Variants in BICC1 observed in about 807,000 individuals in gnomAD.
BICC1 encodes the protein protein bicaudal C homolog 1.
BICC1 carries 43 observed loss-of-function variants against 111.0 expected under a neutral mutation model. The observed-to-expected ratio is 0.39, with a 90% CI of 0.30 to 0.50. The LOEUF (loss-of-function observed/expected upper bound fraction) is 0.50. Among genes scored for constraint, BICC1 ranks in the 20% least tolerant of loss-of-function variants. BICC1 has a pLI of 0.88. For missense variants in BICC1, 1,091 were observed against 1,203.2 expected (o/e 0.91, Z 1.38); for synonymous variants, 467 against 434.4 (o/e 1.07, Z -0.93).
Position 58,687,660 on chromosome 10 carries a change from C to T in BICC1, c.238-14414C>T, listed in dbSNP as rs945202816. Among the ~76,000 whole-genome samples, 36 of 152,222 alleles carry T rather than the reference C, an allele frequency of 2.4e-4. 1 individual carries two copies. Among genetic ancestry groups the T allele is most frequent in the African/African-American group, 8.0e-4 (33 of 41,452 alleles). On this transcript the variant is annotated intron_variant, in intron 2 of 20. Coordinates refer to ENST00000373886, the MANE Select transcript of BICC1 (RefSeq NM_001080512.3). ...GAGTGAGGCTCCGTGGGCATGGGAT[C>T]TTCCAAGCCTGGCACGGGATATAAT...
chr10:58,723,904 G>T (rs771714593), intron 3 of BICC1, among the ~76,000 whole-genome samples: 35 of 152,188 alleles, frequency 2.3e-4, no homozygotes, highest in Non-Finnish European at 4.1e-4. Context: ...GCATCTTTAG[G>T]AGTGTTGTCT....
Position 58,513,347 on chromosome 10 carries a change from G to C in BICC1, c.190+14G>C. On this transcript the variant is annotated intron_variant, in intron 1 of 20. Transcript: ENST00000373886. ...CCATGTTACAAGGTAGGCATCCCTC[G>C]TGTTCTCGGACTCTCCGACTGAGCC... is the stretch of plus-strand genomic sequence containing the variant. 1.3e-6 allele frequency: 2 copies of C among 1,590,304 alleles called. No homozygotes were observed. The highest frequency in any genetic ancestry group is 1.7e-6 in the Non-Finnish European group (2 of 1,165,530).
At chr10:58,724,335 C>T (rs1359084865) in intron 3 of BICC1, among the ~76,000 whole-genome samples, 1 of 152,124 alleles carries the variant, frequency 6.6e-6, no homozygotes, top group Admixed American at 6.5e-5. Context: ...TCAAACTATT[C>T]TCAGAGAAAT....
At chr10:58,578,861 T>C (rs1265720246) in intron 1 of BICC1, among the ~76,000 whole-genome samples, 1 of 152,182 alleles carries the variant, frequency 6.6e-6, no homozygotes, top group Non-Finnish European at 1.5e-5. Context: ...CTTCCTTTGC[T>C]GCTACTCCTT....
At chr10:58,812,978 AG>A (rs1272238761) in intron 17 of BICC1, among the ~76,000 whole-genome samples, 2 of 152,180 alleles carry the variant, frequency 1.3e-5, no homozygotes, top group African/African-American at 4.8e-5. Context: ...ACAGTGAGGT[AG>A]GTGGAAAACT....
At chr10:58,722,961 T>C (rs114138241) in intron 3 of BICC1, among the ~76,000 whole-genome samples, 67 of 152,326 alleles carry the variant, frequency 4.4e-4, no homozygotes, top group African/African-American at 1.5e-3. Context: ...TGTGGTTAAC[T>C]AGTTTTGGGC....
At chr10:58,649,952 A>AT (rs1362498863) in intron 2 of BICC1, among the ~76,000 whole-genome samples, 1 of 152,136 alleles carries the variant, frequency 6.6e-6, no homozygotes, top group African/African-American at 2.4e-5. Flanking sequence ...ACTTTCAAAT[A>AT]TTTTTTTGAA....
chr10:58,708,713 T>C (rs1840478290), intron 3 of BICC1, among the ~76,000 whole-genome samples: 2 of 848 alleles, frequency 2.4e-3, no homozygotes, highest in African/African-American at 2.7e-3. Context: ...GCCTGTGCCA[T>C]GTTGCCTGCT....
rs1390946858 is a variant in BICC1 at position 58,830,836 on chromosome 10, A to ATG, written c.*1946_*1947dup. On this transcript the variant is annotated 3_prime_UTR_variant, in exon 21 of 21. Transcript: ENST00000373886. ...TCATCCATCTTATTTGATTGTATTA[A>ATG]TGCATCATGCTAAACATGTAGTACA... 1 of 152,160 alleles carries ATG rather than the reference A, an allele frequency of 6.6e-6. No homozygotes were observed. Among genetic ancestry groups the ATG allele is most frequent in the African/African-American group, 2.4e-5 (1 of 41,452 alleles). The allele number at this position is 152,160 out of a possible 1,614,324, so 9.4% of individuals were successfully genotyped here. A position where few individuals can be genotyped will look rare whatever the true frequency, so the allele number is the denominator to read the frequency against.
chr10:58,699,298 C>T (rs549446535), intron 2 of BICC1, among the ~76,000 whole-genome samples: 1 of 152,334 alleles, frequency 6.6e-6, no homozygotes, highest in South Asian at 2.1e-4. Context: ...ACCCACTTCT[C>T]TGCACGGTAT....
At chr10:58,711,719 G>T (rs1037408921) in intron 3 of BICC1, among the ~76,000 whole-genome samples, 1 of 150,924 alleles carries the variant, frequency 6.6e-6, no homozygotes, top group Non-Finnish European at 1.5e-5. Flanking sequence ...TCTCTCTCCT[G>T]TACCAGGGTC....
At position 58,799,103 on chromosome 10, in the gene BICC1, A is replaced by G. The variant is rs1158606817; in HGVS notation, c.1576A>G (p.Thr526Ala). 2 of 1,613,864 alleles carry G rather than the reference A, an allele frequency of 1.2e-6. No individual in the cohort carries two copies. Among genetic ancestry groups the G allele is most frequent in the Non-Finnish European group, 8.5e-7 (1 of 1,179,820 alleles). The change falls in exon 12 of 21, where the codon ACA (threonine) becomes GCA (alanine). Residue 526 changes from threonine (T) to alanine (A), a missense_variant. Around this residue, in one of 3 missense-constraint regions of BICC1, gnomAD observed 843 missense variants for 900.8 expected, o/e 0.94. Coordinates refer to ENST00000373886, the MANE Select transcript of BICC1 (RefSeq NM_001080512.3). ...TATGATTCCATCTACTGCCCAAGCCACATTAACTAATATTTTGTTGTCTGG... is the reference window on the plus strand; with the variant it reads ...TATGATTCCATCTACTGCCCAAGCCGCATTAACTAATATTTTGTTGTCTGG... ...HLMIPSTAQATLTNILLSGVP... is the reference protein window; with the variant it reads ...HLMIPSTAQAALTNILLSGVP...
intron 1 of BICC1, among the ~76,000 whole-genome samples, chr10:58,522,938 A>C (rs1842431790): frequency 6.6e-6 from 1 of 152,214 alleles, no homozygotes; most frequent in South Asian, 2.1e-4. Flanking sequence ...CTATGCAAAT[A>C]AACTAGAAAA....
chr10:58,703,580 A>G (rs1840303388), intron 3 of BICC1, among the ~76,000 whole-genome samples: 1 of 152,166 alleles, frequency 6.6e-6, no homozygotes. Flanking sequence ...ATAAGCCTGT[A>G]TTTCTCAAGT....
chr10:58,571,731 G>A (rs1432455507), intron 1 of BICC1, among the ~76,000 whole-genome samples: 1 of 152,018 alleles, frequency 6.6e-6, no homozygotes, highest in Non-Finnish European at 1.5e-5. Context: ...TCTTTATTCA[G>A]TTTATCATTG....
intron 3 of BICC1, among the ~76,000 whole-genome samples, chr10:58,744,535 A>G (rs1841771602): frequency 6.6e-6 from 1 of 152,124 alleles, no homozygotes; most frequent in Admixed American, 6.6e-5. Context: ...ATAAAAATTC[A>G]TTAATATTTT....
intron 2 of BICC1, among the ~76,000 whole-genome samples, chr10:58,697,452 A>G (rs1358608975): frequency 6.6e-6 from 1 of 152,208 alleles, no homozygotes; most frequent in Non-Finnish European, 1.5e-5. Flanking sequence ...AGGGACAATA[A>G]TGAAATTTTT....
rs551781226 is a variant in BICC1, at chr10:58,685,134, T to A, written c.238-16940T>A. ...GCCTTCATTTTGTTATGTACCCAGT[T>A]TTCATTCAGGAGCAGGTTGTTCAGT... On this transcript the variant is annotated intron_variant, in intron 2 of 20. Coordinates refer to ENST00000373886, the MANE Select transcript of BICC1 (RefSeq NM_001080512.3). Among the ~76,000 whole-genome samples the A allele has an allele frequency of 7.2e-5, 11 of 152,220 alleles. No individual in the cohort carries two copies. In the East Asian group the frequency reaches 2.1e-3, roughly 29 times the overall value.
intron 1 of BICC1, among the ~76,000 whole-genome samples, chr10:58,570,176 A>C (rs541366836): frequency 1.4e-4 from 21 of 152,188 alleles, no homozygotes; most frequent in Non-Finnish European, 2.8e-4. Flanking sequence ...ATTACTGCCT[A>C]GTGAGAGAGC....
Sources: allele counts gnomAD v4.1 joint callset (sites outside exome capture counted in the v4.1 genomes callset), GRCh38; gene constraint gnomAD v4.1.1; regional missense constraint gnomAD v4.1.1; transcripts MANE v1.5; gene names NCBI Gene and HGNC (gene_info 2026-07-23, HGNC 2026-07-21).